UGT2A1: variants seen among roughly 807,000 people sequenced by gnomAD.
UGT2A1 encodes the protein UDP glucuronosyltransferase family 2 member A1 complex locus, also known as UDP-glucuronosyltransferase 2A1.
A neutral mutation model predicts 45.4 loss-of-function variants in UGT2A1; 61 were observed. That is an observed-to-expected ratio of 1.34 (90% CI 1.09 to 1.66). The LOEUF (loss-of-function observed/expected upper bound fraction) is 1.66. Ranked by LOEUF, UGT2A1 falls within the 40% of genes most tolerant of loss-of-function variation. The pLI, the probability that UGT2A1 is intolerant of heterozygous loss-of-function variation, is 0.00. For missense variants in UGT2A1, 649 were observed against 574.3 expected (o/e 1.13, Z -1.33); for synonymous variants, 229 against 196.2 (o/e 1.17, Z -1.40).
intron 4 of UGT2A1, among the ~76,000 whole-genome samples, chr4:69,597,512 T>G (rs540439676): frequency 1.3e-5 from 2 of 152,306 alleles, no homozygotes; most frequent in Non-Finnish European, 2.9e-5. Flanking sequence ...GCATTCCCTG[T>G]GCAAATATTT....
intron 4 of UGT2A1, among the ~76,000 whole-genome samples, chr4:69,597,534 A>C (rs1354601129): frequency 6.6e-6 from 1 of 152,146 alleles, no homozygotes; most frequent in Non-Finnish European, 1.5e-5. Flanking sequence ...TTGGGATCAC[A>C]CTGGAATCAC....
chr4:69,611,413 G>T (rs1233379076), intron 3 of UGT2A1, among the ~76,000 whole-genome samples: 1 of 151,644 alleles, frequency 6.6e-6, no homozygotes, highest in Non-Finnish European at 1.5e-5. Context: ...GAGAATGGAA[G>T]TCCTTTTCTA....
At chr4:69,645,572 A>G (rs962712503) in intron 2 of UGT2A1, among the ~76,000 whole-genome samples, 1 of 151,702 alleles carries the variant, frequency 6.6e-6, no homozygotes, top group Admixed American at 6.6e-5. Flanking sequence ...CTACTTCTGT[A>G]GGGCAGGCTC....
intron 3 of UGT2A1, among the ~76,000 whole-genome samples, chr4:69,608,354 G>C (rs2109910718): frequency 6.7e-6 from 1 of 149,324 alleles, no homozygotes; most frequent in Middle Eastern, 3.5e-3. Flanking sequence ...CTCACTCATA[G>C]GAGGGAATTG....
chr4:69,647,602 T>C lies in UGT2A1; in HGVS notation c.43A>G (p.Ile15Val). Residue 15 changes from isoleucine (I) to valine (V), a missense_variant, in exon 2 of 7, where the codon ATA becomes GTA. Ile to Val is a conservative substitution (Grantham distance 29). Transcript: ENST00000286604. Reference sequence around the variant, plus strand: ...ACATTCCCACCAAGAGTGGTTCCTATGAGACTTATCTGAAGGGAGAACAGC... The same window carrying C: ...ACATTCCCACCAAGAGTGGTTCCTACGAGACTTATCTGAAGGGAGAACAGC... Reference protein sequence around the residue: ...LLLFSLQISLIGTTLGGNVLI... With the variant: ...LLLFSLQISLVGTTLGGNVLI... The C allele has an allele frequency of 1.2e-6, 2 of 1,605,270 alleles. No homozygotes were observed. The highest frequency in any genetic ancestry group is 8.5e-7 in the Non-Finnish European group (1 of 1,176,000).
chr4:69,609,862 A>G (rs1719928569), intron 3 of UGT2A1, among the ~76,000 whole-genome samples: 2 of 152,162 alleles, frequency 1.3e-5, no homozygotes, highest in South Asian at 4.1e-4. Context: ...CTGATGGAAA[A>G]CTGTCATAGA....
At chr4:69,650,834 C>T (rs989992355) in intron 1 of UGT2A1, among the ~76,000 whole-genome samples, 1 of 152,036 alleles carries the variant, frequency 6.6e-6, no homozygotes, top group Non-Finnish European at 1.5e-5. Flanking sequence ...GTAGAGATTA[C>T]TTCCAGCTTT....
At chr4:69,594,741 A>G in intron 5 of UGT2A1, 45 bp from the exon 6 acceptor site, 1 of 1,574,772 alleles carries the variant, frequency 6.4e-7, no homozygotes, top group South Asian at 1.1e-5. Context: ...ATAATAACAC[A>G]TTAGCAGAAT....
chr4:69,635,849 A>AAAAAAAAAAAAAAAGAG (rs772370302), intron 2 of UGT2A1, 27 bp from the exon 3 acceptor site: 7 of 118,514 alleles, frequency 5.9e-5, no homozygotes, highest in African/African-American at 2.4e-4. Flanking sequence ...AAAAAAAAAA[A>AAAAAAAAAAAAAAAGAG]AGAGAGAGAG....
chr4:69,626,948 G>C (rs1211719943), intron 3 of UGT2A1, among the ~76,000 whole-genome samples: 1 of 151,606 alleles, frequency 6.6e-6, no homozygotes, highest in East Asian at 1.9e-4. Flanking sequence ...AGATGGTTTA[G>C]ACTCGACTTC....
At chr4:69,611,801 C>T (rs912846704) in intron 3 of UGT2A1, among the ~76,000 whole-genome samples, 1 of 152,002 alleles carries the variant, frequency 6.6e-6, no homozygotes, top group African/African-American at 2.4e-5. Context: ...ATGGTTCATT[C>T]TGAAGATACA....
chr4:69,627,542 G>A (rs201999272), intron 3 of UGT2A1, among the ~76,000 whole-genome samples: 5,622 of 104,408 alleles, frequency 0.054, 128 homozygotes, highest in East Asian at 0.093. Flanking sequence ...GAAAGAGAGA[G>A]AGAGAAAGAG....
At chr4:69,591,607 C>G (rs111864643) in intron 6 of UGT2A1, among the ~76,000 whole-genome samples, 290 of 152,244 alleles carry the variant, frequency 1.9e-3, no homozygotes, top group African/African-American at 6.7e-3. Context: ...ATATTTGACC[C>G]TCATTTCCCA....
intron 4 of UGT2A1, among the ~76,000 whole-genome samples, chr4:69,596,951 T>G (rs1821185): frequency 0.39 from 59,305 of 152,044 alleles, 11,838 homozygotes; most frequent in East Asian, 0.56. Context: ...ACAACTCTTC[T>G]CATGCTAACT....
chr4:69,631,425 C>T (rs1385778791), intron 3 of UGT2A1, among the ~76,000 whole-genome samples: 2 of 151,996 alleles, frequency 1.3e-5, no homozygotes, highest in Admixed American at 1.3e-4. Context: ...TGGAGAGTTA[C>T]ATCATCATAA....
chr4:69,629,401 CT>C (rs1319301668), intron 3 of UGT2A1, among the ~76,000 whole-genome samples: 4 of 152,062 alleles, frequency 2.6e-5, no homozygotes, highest in Non-Finnish European at 4.4e-5. Context: ...GAGTTCCAAT[CT>C]TTTGGAATAC....
chr4:69,638,862 A>C (rs1452825362), intron 2 of UGT2A1: 4 of 1,505,316 alleles, frequency 2.7e-6, no homozygotes, highest in Non-Finnish European at 3.6e-6. Context: ...TAAATAAGGG[A>C]TGTGGAGTCA....
At chr4:69,646,592 G>T (rs1722270407) in intron 2 of UGT2A1, among the ~76,000 whole-genome samples, 1 of 151,666 alleles carries the variant, frequency 6.6e-6, no homozygotes, top group Admixed American at 6.6e-5. Context: ...ACATTTTCCG[G>T]CTTTCTCCAC....
At chr4:69,650,142 G>A (rs1318352833) in intron 1 of UGT2A1, among the ~76,000 whole-genome samples, 1 of 151,898 alleles carries the variant, frequency 6.6e-6, no homozygotes, top group African/African-American at 2.4e-5. Flanking sequence ...CACCTTTGAT[G>A]TCCACGCTCA....
Sources: gnomAD v4.1 joint callset for allele counts (sites outside exome capture counted in the v4.1 genomes callset) on GRCh38, gnomAD v4.1.1 for gene constraint, MANE v1.5 for transcripts, NCBI Gene and HGNC (gene_info 2026-07-23, HGNC 2026-07-21) for gene names.